The following GPR176 variants were observed in gnomAD, a reference collection of about 807,000 sequenced individuals.
The protein encoded by GPR176 is G-protein coupled receptor 176.
In GPR176, 26 loss-of-function variants were observed where a neutral mutation model predicts 35.4. That is an observed-to-expected ratio of 0.74 (90% confidence interval 0.54 to 1.02). The LOEUF is 1.02. Ranked by LOEUF, GPR176 falls within the 50% of genes least tolerant of loss-of-function variation. GPR176 has a pLI of 0.00. For missense variants in GPR176, 597 were observed against 665.3 expected, an observed-to-expected ratio of 0.90 and a Z score of 1.13; for synonymous variants, 278 against 271.3, an observed-to-expected ratio of 1.02 and a Z score of -0.24.
At chr15:39,845,985 G>A (rs2030396595) in intron 1 of GPR176, among the ~76,000 whole-genome samples, 1 of 152,190 alleles carries the variant, frequency 6.6e-6, no homozygotes, top group South Asian at 2.1e-4. Context: ...TGACAAGGTT[G>A]TGCCCTGTGG....
intron 1 of GPR176, among the ~76,000 whole-genome samples, chr15:39,913,271 C>G (rs73401105): frequency 0.013 from 2,053 of 152,182 alleles, 20 homozygotes; most frequent in African/African-American, 0.022. Context: ...AGGGCCAGGC[C>G]TGGAGGCTAA....
intron 1 of GPR176, among the ~76,000 whole-genome samples, chr15:39,860,152 T>A (rs1481311021): frequency 6.6e-6 from 1 of 152,208 alleles, no homozygotes; most frequent in Non-Finnish European, 1.5e-5. Context: ...TATGAATGAA[T>A]TAACAATGGT....
intron 1 of GPR176, chr15:39,813,312 G>C (rs1422464056): frequency 1.3e-5 from 2 of 152,140 alleles, no homozygotes; most frequent in African/African-American, 4.8e-5. Context: ...TCCACCTAAG[G>C]AATGTCCCTG....
chr15:39,819,403 C>T (rs1020138913), intron 1 of GPR176, among the ~76,000 whole-genome samples: 1 of 152,164 alleles, frequency 6.6e-6, no homozygotes, highest in African/African-American at 2.4e-5. Flanking sequence ...CTCTGTCAAC[C>T]CTCATTAGCA....
At chr15:39,894,271 C>A (rs7172058) in intron 1 of GPR176, among the ~76,000 whole-genome samples, 3 of 111,884 alleles carry the variant, frequency 2.7e-5, no homozygotes, top group Admixed American at 1.8e-4. Context: ...CTGACCCCCC[C>A]ACCTCCCTCC....
intron 1 of GPR176, among the ~76,000 whole-genome samples, chr15:39,864,911 C>G (rs1364857286): frequency 6.9e-6 from 1 of 145,512 alleles, no homozygotes; most frequent in Non-Finnish European, 1.5e-5. Flanking sequence ...AGAAGACATA[C>G]AAATGGCCAG....
chr15:39,907,203 A>G (rs147379997), intron 1 of GPR176, among the ~76,000 whole-genome samples: 1 of 152,364 alleles, frequency 6.6e-6, no homozygotes, highest in East Asian at 1.9e-4. Context: ...TTAAAGAAAC[A>G]TAAAAATAGT....
At chr15:39,913,891 A>G (rs191218241) in intron 1 of GPR176, among the ~76,000 whole-genome samples, 345 of 152,144 alleles carry the variant, frequency 2.3e-3, no homozygotes, top group African/African-American at 8.0e-3. Flanking sequence ...CTAAAAATAC[A>G]AAACATTAGC....
intron 1 of GPR176, among the ~76,000 whole-genome samples, chr15:39,881,458 C>T (rs572827964): frequency 4.6e-5 from 7 of 152,274 alleles, no homozygotes; most frequent in South Asian, 2.1e-4. Flanking sequence ...TGTCCAGTGG[C>T]GGGATTTGGC....
intron 1 of GPR176, among the ~76,000 whole-genome samples, chr15:39,901,570 AG>A (rs1343279614): frequency 1.3e-5 from 2 of 152,294 alleles, no homozygotes; most frequent in Non-Finnish European, 2.9e-5. Flanking sequence ...TTACTCCCCT[AG>A]GAACAACAAC....
At chr15:39,821,056 A>G (rs902521822) in intron 1 of GPR176, among the ~76,000 whole-genome samples, 5 of 152,234 alleles carry the variant, frequency 3.3e-5, no homozygotes, top group Non-Finnish European at 4.4e-5. Flanking sequence ...AGTGACACAG[A>G]TACGCAGAGA....
intron 1 of GPR176, among the ~76,000 whole-genome samples, chr15:39,886,995 T>C (rs1566962858): frequency 1.3e-5 from 2 of 152,206 alleles, no homozygotes; most frequent in Admixed American, 1.3e-4. Flanking sequence ...AACACGAGGT[T>C]ATTTCCTCTC....
intron 1 of GPR176, among the ~76,000 whole-genome samples, chr15:39,846,262 G>GAT (rs1252413143): frequency 2.0e-5 from 3 of 152,216 alleles, no homozygotes; most frequent in Non-Finnish European, 4.4e-5. Flanking sequence ...TGACTGACTC[G>GAT]ATCTTGCTTC....
chr15:39,893,514 G>C (rs571567880), intron 1 of GPR176, among the ~76,000 whole-genome samples: 1 of 152,208 alleles, frequency 6.6e-6, no homozygotes, highest in African/African-American at 2.4e-5. Context: ...TTTCTACACA[G>C]ACACGGCAAC....
chr15:39,919,500 A>G (rs1210087557), intron 1 of GPR176, among the ~76,000 whole-genome samples: 1 of 152,212 alleles, frequency 6.6e-6, no homozygotes, highest in Non-Finnish European at 1.5e-5. Flanking sequence ...ATTATCAGTA[A>G]CAAATTCCCA....
intron 1 of GPR176, among the ~76,000 whole-genome samples, chr15:39,878,922 T>C (rs1393152732): frequency 6.6e-6 from 1 of 152,250 alleles, no homozygotes; most frequent in Non-Finnish European, 1.5e-5. Context: ...ATTTAGGCAC[T>C]GAGGACACGG....
intron 1 of GPR176, among the ~76,000 whole-genome samples, chr15:39,895,295 G>GA (rs2033078764): frequency 1.4e-5 from 2 of 147,574 alleles, no homozygotes; most frequent in African/African-American, 2.5e-5. Context: ...GAGGAAGAGG[G>GA]GGAGGGGGAG....
chr15:39,918,784 T>C (rs950780424), intron 1 of GPR176, among the ~76,000 whole-genome samples: 1 of 152,068 alleles, frequency 6.6e-6, no homozygotes, highest in Non-Finnish European at 1.5e-5. Context: ...ATGATGACAA[T>C]TAGAGAAAGT....
Position 39,868,112 on chromosome 15 carries a change from T to A in GPR176, c.172+51743A>T, listed in dbSNP as rs1218015560. Among the ~76,000 whole-genome samples the A allele has an allele frequency of 2.0e-5, 3 of 151,000 alleles. No individual in the cohort carries two copies. In the South Asian group the frequency reaches 6.3e-4, roughly 32 times the overall value. On this transcript the variant is annotated intron_variant, in intron 1 of 2. Transcript: ENST00000561100. ...CTACCATCATTAAGAGATAGCTAAG[T>A]GCAAAGGGCACCAGGAATGAATGAA...
Sources: gnomAD v4.1 joint callset for allele counts (sites outside exome capture counted in the v4.1 genomes callset) on GRCh38, gnomAD v4.1.1 for gene constraint, MANE v1.5 for transcripts, NCBI Gene and HGNC (gene_info 2026-07-23, HGNC 2026-07-21) for gene names.